Variants in SPTBN1 observed in about 807,000 individuals in gnomAD.
SPTBN1 encodes spectrin beta chain, non-erythrocytic 1.
SPTBN1 carries 32 observed loss-of-function variants against 266.4 expected under a neutral mutation model. The observed-to-expected ratio is 0.12, with a 90% confidence interval of 0.09 to 0.16. The LOEUF (loss-of-function observed/expected upper bound fraction) is 0.16, where lower values mean the gene tolerates loss of function less well. Ranked by LOEUF, SPTBN1 falls within the 10% of genes least tolerant of loss-of-function variation. The pLI, the probability that SPTBN1 is intolerant of heterozygous loss-of-function variation, is 1.00. For synonymous variants in SPTBN1, 1,336 were observed against 1,162.2 expected (o/e 1.15, Z -3.04); for missense variants, 2,296 against 3,067.1 (o/e 0.75, Z 5.94).
chr2:54,572,425 G>A (rs754863551), intron 2 of SPTBN1, among the ~76,000 whole-genome samples: 8 of 152,074 alleles, frequency 5.3e-5, no homozygotes, highest in South Asian at 2.1e-4. Flanking sequence ...TTCTAACCGC[G>A]AGTGTCTTTG....
chr2:54,659,037 G>A, intron 30 of SPTBN1, 117 bp from the exon 31 acceptor site: 3 of 980,052 alleles, frequency 3.1e-6, no homozygotes, highest in Non-Finnish European at 4.7e-6. Flanking sequence ...AGAGCTTCTT[G>A]TCCAGTGTGG....
chr2:54,571,945 G>A (rs1315000626), intron 2 of SPTBN1, among the ~76,000 whole-genome samples: 1 of 152,172 alleles, frequency 6.6e-6, no homozygotes. Context: ...TAAAACTCCA[G>A]GAAGGGCTTA....
Position 54,664,202 on chromosome 2 carries a change from A to ATC in SPTBN1, c.6421-250_6421-249insCT. ...TGAGTTATATTTATTGATCAGAGGAATAGAGTGCAGTAAAACTCATACTGG... is the reference window on the plus strand; with the variant it reads ...TGAGTTATATTTATTGATCAGAGGAATCTAGAGTGCAGTAAAACTCATACTGG... On this transcript the variant is annotated intron_variant, in intron 32 of 35. Coordinates refer to ENST00000356805, the MANE Select transcript of SPTBN1 (RefSeq NM_003128.3). The surrounding 1 kb of genome is among the most constrained non-coding windows in gnomAD (Gnocchi z 5.6). The ATC allele has an allele frequency of 2.2e-6, 1 of 450,920 alleles. No individual in the cohort carries two copies. The highest frequency in any genetic ancestry group is 3.7e-5 in the Admixed American group (1 of 27,244). 27.9% of individuals were successfully genotyped at this position (450,920 alleles called of 1,614,324 possible). A position where few individuals can be genotyped will look rare whatever the true frequency, so the allele number is the denominator to read the frequency against.
chr2:54,480,930 A>G (rs1668062221), intron 1 of SPTBN1, among the ~76,000 whole-genome samples: 2 of 152,188 alleles, frequency 1.3e-5, no homozygotes, highest in African/African-American at 4.8e-5. Context: ...CTTTAGTAAT[A>G]TTAAATAATT....
intron 2 of SPTBN1, chr2:54,529,822 C>G (rs1671095309): frequency 2.3e-6 from 1 of 430,356 alleles, no homozygotes; most frequent in Non-Finnish European, 4.4e-6. Flanking sequence ...GTCCATCTGG[C>G]TAATTCTAAA....
At chr2:54,570,516 G>A (rs1673983848) in intron 2 of SPTBN1, among the ~76,000 whole-genome samples, 1 of 152,184 alleles carries the variant, frequency 6.6e-6, no homozygotes, top group Non-Finnish European at 1.5e-5. Context: ...AATTACATAG[G>A]TGGTATCTTT....
chr2:54,664,830 C>T lies in SPTBN1; in HGVS notation c.6659+139C>T. On this transcript the variant is annotated intron_variant, in intron 33 of 35. Transcript: ENST00000356805. The surrounding 1 kb of genome is among the most constrained non-coding windows in gnomAD (Gnocchi z 5.6). ...GTAGCTTCCTGGACATTGCATTCTT[C>T]TTGGGCTGACGCTGGAAAGCAGGAG... is the stretch of plus-strand genomic sequence containing the variant. 1 of 853,042 alleles carries T rather than the reference C, an allele frequency of 1.2e-6. No individual in the cohort carries two copies. Among genetic ancestry groups the T allele is most frequent in the East Asian group, 2.7e-5 (1 of 37,592 alleles). The allele number at this position is 853,042 out of a possible 1,614,324, so 52.8% of individuals were successfully genotyped here.
chr2:54,498,238 C>T (rs1558781036), intron 1 of SPTBN1, among the ~76,000 whole-genome samples: 1 of 152,204 alleles, frequency 6.6e-6, no homozygotes, highest in Non-Finnish European at 1.5e-5. Flanking sequence ...ATGACCAGTG[C>T]ATTCACAAGA....
At chr2:54,461,722 T>G (rs1488704929) in intron 1 of SPTBN1, among the ~76,000 whole-genome samples, 1 of 152,270 alleles carries the variant, frequency 6.6e-6, no homozygotes, top group Non-Finnish European at 1.5e-5. Context: ...CCATTTGGGT[T>G]CTTCGTTTTG....
chr2:54,617,212 A>G (rs535107046), intron 5 of SPTBN1, among the ~76,000 whole-genome samples: 1 of 152,340 alleles, frequency 6.6e-6, no homozygotes, highest in East Asian at 1.9e-4. Context: ...TAGTCCCACC[A>G]CTTCTTGTCC....
chr2:54,511,305 C>T (rs1242946952), intron 1 of SPTBN1, among the ~76,000 whole-genome samples: 4 of 152,152 alleles, frequency 2.6e-5, no homozygotes, highest in Admixed American at 2.0e-4. Context: ...AGCTTTTAAG[C>T]AGTCATGTGC....
chr2:54,490,083 T>A (rs1167319828), intron 1 of SPTBN1, among the ~76,000 whole-genome samples: 1 of 151,268 alleles, frequency 6.6e-6, no homozygotes, highest in Non-Finnish European at 1.5e-5. Context: ...TTATGAATTT[T>A]TTTTTTTTTT....
chr2:54,507,380 A>G (rs928206661), intron 1 of SPTBN1, among the ~76,000 whole-genome samples: 9 of 152,022 alleles, frequency 5.9e-5, no homozygotes, highest in Admixed American at 3.9e-4. Context: ...GTATGGAGAG[A>G]TAATGGGCAA....
intron 2 of SPTBN1, among the ~76,000 whole-genome samples, chr2:54,582,667 A>G (rs1336583230): frequency 6.6e-6 from 1 of 152,088 alleles, no homozygotes; most frequent in Admixed American, 6.5e-5. Flanking sequence ...TTAAGGTGGC[A>G]GGATACCTTA....
intron 2 of SPTBN1, among the ~76,000 whole-genome samples, chr2:54,581,348 T>C (rs574388800): frequency 2.0e-5 from 3 of 152,248 alleles, no homozygotes; most frequent in Admixed American, 6.5e-5. Flanking sequence ...ATGCTCTAAA[T>C]TGAGGATTCT....
At chr2:54,603,301 G>A (rs7424459) in intron 3 of SPTBN1, among the ~76,000 whole-genome samples, 34,855 of 152,094 alleles carry the variant, frequency 0.23, 4,751 homozygotes, top group African/African-American at 0.38. Flanking sequence ...ACTGGCGCAG[G>A]GCAAGTTTCC....
chr2:54,457,132 G>C (rs1376909515), intron 1 of SPTBN1: 2 of 123,590 alleles, frequency 1.6e-5, no homozygotes, highest in Non-Finnish European at 3.3e-5. Context: ...CCATCCCTGC[G>C]CTTGCTACCC....
intron 2 of SPTBN1, among the ~76,000 whole-genome samples, chr2:54,574,863 G>GCATAAACCA (rs1674349194): frequency 6.6e-6 from 1 of 152,192 alleles, no homozygotes; most frequent in Non-Finnish European, 1.5e-5. Flanking sequence ...CATGAACCAG[G>GCATAAACCA]CATAAACCAG....
rs56027497 is a variant in SPTBN1 at position 54,533,349 on chromosome 2, AGTGTGTGTGTGTGTGTGTGTGT to A, written c.148+6808_148+6829del. Among the ~76,000 whole-genome samples, 1 of 141,884 alleles carries A rather than the reference AGTGTGTGTGTGTGTGTGTGTGT, an allele frequency of 7.0e-6. No homozygotes were observed. The highest frequency in any genetic ancestry group is 1.5e-5 in the Non-Finnish European group (1 of 65,494). 93.1% of individuals were successfully genotyped at this position (141,884 alleles called of 152,430 possible). A position where few individuals can be genotyped will look rare whatever the true frequency, so the allele number is the denominator to read the frequency against. On this transcript the variant is annotated intron_variant, in intron 2 of 35. Coordinates refer to ENST00000356805, the MANE Select transcript of SPTBN1 (RefSeq NM_003128.3). The surrounding 1 kb of genome is among the most constrained non-coding windows in gnomAD (Gnocchi z 4.2). Reference sequence around the variant, plus strand: ...AGTGAAACCCAGGCTAAAGGGGACTAGTGTGTGTGTGTGTGTGTGTGTGTGTGTGTGTGTGTGTGTGTGTGTC... The same window carrying A: ...AGTGAAACCCAGGCTAAAGGGGACTAGTGTGTGTGTGTGTGTGTGTGTGTC...
Sources: allele counts gnomAD v4.1 joint callset (sites outside exome capture counted in the v4.1 genomes callset), GRCh38; gene constraint gnomAD v4.1.1; non-coding constraint Gnocchi (gnomAD v3.1); transcripts MANE v1.5; gene names NCBI Gene and HGNC (gene_info 2026-07-23, HGNC 2026-07-21).